FMN1: variants seen among roughly 807,000 people sequenced by gnomAD.
The protein encoded by FMN1 is formin 1, also known as formin-1.
FMN1 carries 110 observed loss-of-function variants against 132.4 expected under a neutral mutation model. That is an observed-to-expected ratio of 0.83 (90% confidence interval 0.71 to 0.97). The LOEUF is 0.97. FMN1 is among the 50% of genes least tolerant of loss of function. FMN1 has a pLI of 0.00. For missense variants in FMN1, 1,792 were observed against 1,705.3 expected (o/e 1.05, Z -0.90); for synonymous variants, 722 against 651.7 (o/e 1.11, Z -1.64).
intron 4 of FMN1, among the ~76,000 whole-genome samples, chr15:33,124,616 T>A (rs1269026025): frequency 6.6e-6 from 1 of 152,192 alleles, no homozygotes; most frequent in Non-Finnish European, 1.5e-5. Context: ...TGCATTAATC[T>A]TCTAGAATGT....
At chr15:33,140,504 T>C (rs1963965999) in intron 4 of FMN1, among the ~76,000 whole-genome samples, 1 of 152,202 alleles carries the variant, frequency 6.6e-6, no homozygotes, top group South Asian at 2.1e-4. Context: ...ACGACTCAGG[T>C]ATCAGACACT....
At chr15:32,791,322 A>G (rs1309016102) in intron 19 of FMN1, among the ~76,000 whole-genome samples, 2 of 151,796 alleles carry the variant, frequency 1.3e-5, no homozygotes, top group Non-Finnish European at 2.9e-5. Flanking sequence ...ATGACATTGA[A>G]AATTCATTTA....
Position 33,153,139 on chromosome 15 carries a change from T to C in FMN1, c.1776A>G (p.Ala592=), listed in dbSNP as rs1036836597. 25 of 1,536,016 alleles carry C rather than the reference T, an allele frequency of 1.6e-5. No homozygotes were observed. The African/African-American group carries it at 3.0e-4, about 19-fold the overall frequency. The change falls in exon 4 of 21, where the codon GCA becomes GCG. Residue 592 remains alanine (A), a synonymous_variant. Coordinates refer to ENST00000616417, the MANE Select transcript of FMN1 (RefSeq NM_001277313.2). Reference sequence around the variant, plus strand: ...CCCCAGGCACCAACCGAGGTTGGCCTGCTCTGAGGAAGGCCGGGCTGGCTC... The same window carrying C: ...CCCCAGGCACCAACCGAGGTTGGCCCGCTCTGAGGAAGGCCGGGCTGGCTC... The part of the protein sequence containing the change: ...TKGASPAFLR[A]GQPRLVPGET...
intron 7 of FMN1, among the ~76,000 whole-genome samples, chr15:33,004,631 G>A (rs1337093498): frequency 2.0e-5 from 3 of 152,148 alleles, no homozygotes; most frequent in East Asian, 3.9e-4. Context: ...TCAGTGTGGC[G>A]ATTCCTCAGG....
rs1457160142 is a variant in FMN1, at chr15:32,902,117, CT to C, written c.3378-78del. 1.2e-5 allele frequency: 16 copies of C among 1,308,050 alleles called. No individual in the cohort carries two copies. In the African/African-American group the frequency reaches 2.4e-4, roughly 19 times the overall value. 81.0% of individuals were successfully genotyped at this position (1,308,050 alleles called of 1,614,324 possible). On this transcript the variant is annotated intron_variant, in intron 12 of 20. Coordinates refer to ENST00000616417, the MANE Select transcript of FMN1 (RefSeq NM_001277313.2). The stretch of plus-strand genomic sequence containing the variant: ...TAAAAAGACAGCTGAAAAAGACCCA[CT>C]TTGGGAACATTCCTTACCTAACAAT...
intron 17 of FMN1, among the ~76,000 whole-genome samples, chr15:32,843,342 C>T (rs1651073367): frequency 6.6e-6 from 1 of 152,198 alleles, no homozygotes; most frequent in African/African-American, 2.4e-5. Context: ...GAACCTATTT[C>T]ACATGAAGCT....
chr15:32,877,797 T>C (rs1196239874), intron 16 of FMN1, among the ~76,000 whole-genome samples: 1 of 152,174 alleles, frequency 6.6e-6, no homozygotes, highest in Non-Finnish European at 1.5e-5. Context: ...CATAAGGAAG[T>C]GATCTAATTT....
At chr15:33,120,995 G>A (rs1352178556) in intron 4 of FMN1, among the ~76,000 whole-genome samples, 1 of 151,906 alleles carries the variant, frequency 6.6e-6, no homozygotes, top group African/African-American at 2.4e-5. Context: ...TCTTGATAGA[G>A]GTTTTAGTCT....
intron 6 of FMN1, chr15:33,012,750 G>A (rs2034800725): frequency 4.0e-6 from 3 of 742,608 alleles, no homozygotes; most frequent in Non-Finnish European, 7.4e-6. Context: ...GTTTTGGTGG[G>A]AACGACATCT....
chr15:32,953,012 G>A (rs898209892), intron 9 of FMN1, among the ~76,000 whole-genome samples: 2 of 152,122 alleles, frequency 1.3e-5, no homozygotes, highest in African/African-American at 4.8e-5. Flanking sequence ...CACTGTACTG[G>A]GGAACTCCCA....
In FMN1 at chr15:32,772,541, C is replaced by G. The variant is rs28502036; in HGVS notation, c.*1769G>C. On this transcript the variant is annotated 3_prime_UTR_variant, in exon 21 of 21. Transcript: ENST00000616417. ...TGTAAGAAAGCAGCATAAAAAGCTTCTTGCTCACAAGCAACTTCAAGCCTT... is the reference window on the plus strand; with the variant it reads ...TGTAAGAAAGCAGCATAAAAAGCTTGTTGCTCACAAGCAACTTCAAGCCTT... The G allele has an allele frequency of 0.43, 65,738 of 152,158 alleles. 14,787 individuals carry two copies. Among genetic ancestry groups the G allele is most frequent in the East Asian group, 0.64 (3,302 of 5,182 alleles). 9.4% of individuals were successfully genotyped at this position (152,158 alleles called of 1,614,324 possible).
intron 7 of FMN1, among the ~76,000 whole-genome samples, chr15:32,975,935 C>T (rs1028369305): frequency 1.3e-5 from 2 of 152,142 alleles, no homozygotes; most frequent in African/African-American, 4.8e-5. Flanking sequence ...AAGGAACACA[C>T]TGTACTAAAA....
At chr15:32,889,347 A>G (rs963070642) in intron 15 of FMN1, among the ~76,000 whole-genome samples, 1 of 152,176 alleles carries the variant, frequency 6.6e-6, no homozygotes, top group African/African-American at 2.4e-5. Flanking sequence ...TGTATCTTGC[A>G]TGTCTTAGGC....
At chr15:33,003,564 A>G (rs1414634398) in intron 7 of FMN1, among the ~76,000 whole-genome samples, 2 of 152,264 alleles carry the variant, frequency 1.3e-5, no homozygotes, top group African/African-American at 4.8e-5. Context: ...AACAAATGGA[A>G]GAACATTCTA....
At position 33,128,585 on chromosome 15, in the gene FMN1, G is replaced by C. The variant is rs148697936; in HGVS notation, c.1867+24463C>G. ...GTTTCTTGCTTCCGATGCGTTCGTG[G>C]TCTAACTTCACAAACATACCCGCGG... On this transcript the variant is annotated intron_variant, in intron 4 of 20. Coordinates refer to ENST00000616417, the MANE Select transcript of FMN1 (RefSeq NM_001277313.2). Among the ~76,000 whole-genome samples the C allele has an allele frequency of 2.1e-3, 321 of 152,304 alleles. 7 individuals are homozygous for C. In the South Asian group the frequency reaches 0.037, roughly 17 times the overall value.
At chr15:32,958,062 G>T (rs979943903) in intron 9 of FMN1, among the ~76,000 whole-genome samples, 1 of 152,020 alleles carries the variant, frequency 6.6e-6, no homozygotes, top group African/African-American at 2.4e-5. Flanking sequence ...AATTGATAAG[G>T]TCAAAGAAAA....
At chr15:33,031,837 C>T (rs533308330) in intron 6 of FMN1, among the ~76,000 whole-genome samples, 104 of 152,272 alleles carry the variant, frequency 6.8e-4, no homozygotes, top group African/African-American at 2.4e-3. Flanking sequence ...TTTCTATGTC[C>T]TATAAATATA....
Position 32,857,032 on chromosome 15 carries a change from T to C in FMN1, c.3911A>G (p.Glu1304Gly), listed in dbSNP as rs139755114. 3.5e-5 allele frequency: 57 copies of C among 1,612,972 alleles called. No homozygotes were observed. The East Asian group carries it at 1.2e-3, about 34-fold the overall frequency. ...CTTCCTACCTTTTTGGAAGAACTCC[T>C]CTAGTTTGTCCTTGAAAGGCTGGAG... ...EYLQPFKDKL[E>G]EFFQKAKKEH... is the part of the protein sequence containing the mutation. The change falls in exon 17 of 21, where the codon GAG (glutamate) becomes GGG (glycine). Residue 1304 changes from glutamate (E) to glycine (G), a missense_variant. Physicochemically the swap from Glu to Gly is moderately conservative, Grantham distance 98 (BLOSUM62 -2). Around this residue, in one of 3 missense-constraint regions of FMN1, gnomAD observed 1,150 missense variants for 1,043.1 expected, o/e 1.10. Transcript: ENST00000616417.
intron 4 of FMN1, among the ~76,000 whole-genome samples, chr15:33,114,865 T>C (rs2039853482): frequency 6.6e-6 from 1 of 152,176 alleles, no homozygotes; most frequent in East Asian, 1.9e-4. Context: ...TCCCCTCCCT[T>C]ATTTTGCCTA....
Sources: gnomAD v4.1 joint callset for allele counts (sites outside exome capture counted in the v4.1 genomes callset) on GRCh38, gnomAD v4.1.1 for gene constraint, gnomAD v4.1.1 regional missense constraint, MANE v1.5 for transcripts, NCBI Gene and HGNC (gene_info 2026-07-23, HGNC 2026-07-21) for gene names.